ULK2: variants seen among roughly 807,000 people sequenced by gnomAD.
ULK2 encodes serine/threonine-protein kinase ULK2.
A neutral mutation model predicts 127.5 loss-of-function variants in ULK2; 76 were observed. That is an observed-to-expected ratio of 0.60 (90% confidence interval 0.50 to 0.72). The LOEUF (loss-of-function observed/expected upper bound fraction) is 0.72. Ranked by LOEUF, ULK2 falls within the 30% of genes least tolerant of loss-of-function variation. ULK2 has a pLI of 0.00. For missense variants in ULK2, 1,144 were observed against 1,295.9 expected (o/e 0.88, Z 1.80); for synonymous variants, 452 against 461.9 (o/e 0.98, Z 0.28).
chr17:19,840,481 GA>G, intron 9 of ULK2: 1 of 458,088 alleles, frequency 2.2e-6, no homozygotes, highest in Admixed American at 2.7e-5. Context: ...ATCCGGGAAG[GA>G]AAATTGGATC....
At chr17:19,863,642 G>C (rs956935075) in intron 3 of ULK2, among the ~76,000 whole-genome samples, 2 of 151,926 alleles carry the variant, frequency 1.3e-5, no homozygotes, top group African/African-American at 4.8e-5. Flanking sequence ...AGAATTACAG[G>C]CTCAAGCCAC....
chr17:19,800,489 T>G (rs775423699), intron 16 of ULK2, among the ~76,000 whole-genome samples: 4 of 152,176 alleles, frequency 2.6e-5, no homozygotes, highest in Non-Finnish European at 4.4e-5. Context: ...TTGAAGTACC[T>G]CAGGGGCTGC....
At chr17:19,849,446 A>T in intron 4 of ULK2, 41 bp from the exon 5 acceptor site, 1 of 1,550,308 alleles carries the variant, frequency 6.5e-7, no homozygotes, top group South Asian at 1.1e-5. Context: ...AAGGACAGTG[A>T]TTCAAGATTA....
intron 12 of ULK2, among the ~76,000 whole-genome samples, chr17:19,820,445 C>T (rs1286838015): frequency 6.6e-6 from 1 of 152,186 alleles, no homozygotes; most frequent in African/African-American, 2.4e-5. Context: ...CTTTTCCCTT[C>T]ACCCATCACC....
intron 3 of ULK2, among the ~76,000 whole-genome samples, chr17:19,856,720 C>G (rs561951825): frequency 3.2e-4 from 48 of 151,874 alleles, no homozygotes; most frequent in African/African-American, 1.1e-3. Context: ...CGCCTGGAAT[C>G]CCAGCACTTT....
intron 3 of ULK2, among the ~76,000 whole-genome samples, chr17:19,863,207 C>A (rs572125355): frequency 8.3e-4 from 125 of 150,450 alleles, no homozygotes; most frequent in Non-Finnish European, 1.4e-3. Flanking sequence ...AAGAGTGAGA[C>A]TGTCTCCAAA....
At chr17:19,807,801 G>A (rs763165291) in intron 14 of ULK2, among the ~76,000 whole-genome samples, 4 of 152,134 alleles carry the variant, frequency 2.6e-5, no homozygotes, top group Non-Finnish European at 4.4e-5. Flanking sequence ...TGTGCACTGA[G>A]GGCCCCCAAG....
intron 10 of ULK2, among the ~76,000 whole-genome samples, chr17:19,826,623 G>GC (rs1597776239): frequency 6.6e-6 from 1 of 151,988 alleles, no homozygotes; most frequent in South Asian, 2.1e-4. Flanking sequence ...ACTATCCTTC[G>GC]CCCCTACAAG....
At chr17:19,780,010 C>T (rs373321485) in intron 25 of ULK2, among the ~76,000 whole-genome samples, 4 of 151,922 alleles carry the variant, frequency 2.6e-5, no homozygotes, top group South Asian at 4.2e-4. Context: ...CCCATCTCTA[C>T]TAAAAATACA....
At chr17:19,863,342 G>A (rs139399172) in intron 3 of ULK2, among the ~76,000 whole-genome samples, 172 of 152,112 alleles carry the variant, frequency 1.1e-3, no homozygotes, top group African/African-American at 2.4e-3. Context: ...GAATTCAACC[G>A]TCCAGACTAA....
At position 19,771,556 on chromosome 17, in the gene ULK2, G is replaced by A. The variant is rs150853395; in HGVS notation, c.*4793C>T. 6.6e-6 allele frequency: 1 copy of A among 152,420 alleles called. No homozygotes were observed. Among genetic ancestry groups the A allele is most frequent in the Admixed American group, 6.5e-5 (1 of 15,306 alleles). The allele number at this position is 152,420 out of a possible 1,614,324, so 9.4% of individuals were successfully genotyped here. A position where few individuals can be genotyped will look rare whatever the true frequency, so the allele number is the denominator to read the frequency against. On this transcript the variant is annotated 3_prime_UTR_variant, in exon 27 of 27. Coordinates refer to ENST00000395544, the MANE Select transcript of ULK2 (RefSeq NM_014683.4). ...CAAAACAAAACAAAAGCAGTGAAGA[G>A]CCACAGAGTGATGACCACTACAACG...
intron 3 of ULK2, among the ~76,000 whole-genome samples, chr17:19,860,370 A>T (rs1240771371): frequency 6.6e-6 from 1 of 152,198 alleles, no homozygotes; most frequent in Non-Finnish European, 1.5e-5. Flanking sequence ...AATGGTCAGT[A>T]AAAATGACAT....
Position 19,810,229 on chromosome 17 carries a change from CAAAAAAAAA to C in ULK2, c.1157+140_1157+148del. ...TGGGTGACAGAGCCAGACTCCATCT[CAAAAAAAAA>C]AAAAAAAAAAAAAAAAAAACCAGAA... On this transcript the variant is annotated intron_variant, in intron 14 of 26. Coordinates refer to ENST00000395544, the MANE Select transcript of ULK2 (RefSeq NM_014683.4). The C allele has an allele frequency of 6.3e-5, 22 of 350,184 alleles. No individual in the cohort carries two copies. In the East Asian group the frequency reaches 7.3e-4, roughly 12 times the overall value. The allele number at this position is 350,184 out of a possible 1,614,324, so 21.7% of individuals were successfully genotyped here. A position where few individuals can be genotyped will look rare whatever the true frequency, so the allele number is the denominator to read the frequency against.
intron 13 of ULK2, among the ~76,000 whole-genome samples, chr17:19,814,404 T>TTATATACATATATATACA (rs1567696298): frequency 7.8e-6 from 1 of 127,648 alleles, no homozygotes. Context: ...ATGTCTGTTA[T>TTATATACATATATATACA]TATATACATA....
At chr17:19,860,786 A>C (rs1212511597) in intron 3 of ULK2, among the ~76,000 whole-genome samples, 1 of 152,112 alleles carries the variant, frequency 6.6e-6, no homozygotes, top group East Asian at 1.9e-4. Context: ...GGCCTCCCAA[A>C]GTGCTGGTAT....
intron 3 of ULK2, among the ~76,000 whole-genome samples, chr17:19,852,518 CAAA>C (rs1241027121): frequency 1.3e-4 from 7 of 54,424 alleles, no homozygotes; most frequent in Admixed American, 4.1e-4. Context: ...GACTCCATCT[CAAA>C]AAAAAAAAAA....
Position 19,865,035 on chromosome 17 carries a change from A to C in ULK2, c.184-191T>G, listed in dbSNP as rs938477555. ...AAGCACATTATCTCACTGAAAGAAAATATGATTTTTAGCTCAAAGAGCTAC... is the reference window on the plus strand; with the variant it reads ...AAGCACATTATCTCACTGAAAGAAACTATGATTTTTAGCTCAAAGAGCTAC... On this transcript the variant is annotated intron_variant, in intron 2 of 26. Transcript: ENST00000395544. Among the ~76,000 whole-genome samples, 3 of 152,276 alleles carry C rather than the reference A, an allele frequency of 2.0e-5. No individual in the cohort carries two copies. In the South Asian group the frequency reaches 6.2e-4, roughly 32 times the overall value.
chr17:19,856,621 A>T (rs1470874772), intron 3 of ULK2, among the ~76,000 whole-genome samples: 1 of 151,398 alleles, frequency 6.6e-6, no homozygotes, highest in Non-Finnish European at 1.5e-5. Flanking sequence ...ACGTTATGAC[A>T]TGTATCGTTT....
intron 3 of ULK2, among the ~76,000 whole-genome samples, chr17:19,863,264 T>C (rs1252757749): frequency 3.3e-5 from 5 of 151,498 alleles, no homozygotes; most frequent in Admixed American, 6.6e-5. Flanking sequence ...TGCAAGTGAA[T>C]ACAGAAGAGG....
Sources: gnomAD v4.1 joint callset for allele counts (sites outside exome capture counted in the v4.1 genomes callset) on GRCh38, gnomAD v4.1.1 for gene constraint, MANE v1.5 for transcripts, NCBI Gene and HGNC (gene_info 2026-07-23, HGNC 2026-07-21) for gene names.